The following RUBCN variants were observed in gnomAD, a reference collection of about 807,000 sequenced individuals.
The protein encoded by RUBCN is run domain Beclin-1-interacting and cysteine-rich domain-containing protein.
RUBCN carries 74 observed loss-of-function variants against 113.2 expected under a neutral mutation model. The observed-to-expected ratio is 0.65, with a 90% confidence interval of 0.54 to 0.79. RUBCN has a LOEUF of 0.79. Among genes scored for constraint, RUBCN ranks in the 30% least tolerant of loss-of-function variants. The pLI is 0.00. For missense variants in RUBCN, 1,109 were observed against 1,251.7 expected (o/e 0.89, Z 1.72); for synonymous variants, 480 against 490.0 (o/e 0.98, Z 0.27).
At chr3:197,724,328 T>A (rs1726496786) in intron 1 of RUBCN, among the ~76,000 whole-genome samples, 1 of 152,188 alleles carries the variant, frequency 6.6e-6, no homozygotes, top group Non-Finnish European at 1.5e-5. Context: ...AGTATTACAC[T>A]ATATAACTAA....
chr3:197,711,842 G>GAT (rs1358612754), intron 2 of RUBCN, among the ~76,000 whole-genome samples: 1 of 151,962 alleles, frequency 6.6e-6, no homozygotes, highest in Non-Finnish European at 1.5e-5. Context: ...GTTATAGAGT[G>GAT]ATATATATAG....
rs746550615 is a variant in RUBCN, at chr3:197,697,062, A to T, written c.1262-13T>A. ...TCATTGCAGGATTCTAATGACGATG[A>T]CCACCAGCGAGTAAAAACACATACG... On this transcript the variant is annotated splice_polypyrimidine_tract_variant and intron_variant, in intron 7 of 19. Transcript: ENST00000296343. 3.0e-5 allele frequency: 41 copies of T among 1,377,916 alleles called. 1 individual carries two copies. In the Admixed American group the frequency reaches 6.5e-4, roughly 22 times the overall value. 85.4% of individuals were successfully genotyped at this position (1,377,916 alleles called of 1,614,324 possible).
At position 197,678,737 on chromosome 3, in the gene RUBCN, C is replaced by T. The variant is rs568024787; in HGVS notation, c.2431-1196G>A. The stretch of plus-strand genomic sequence containing the variant: ...TGACAACTGGCTTCAGACTGTCCTA[C>T]GCTCTAACTGACAACTGGCTCCAGA... On this transcript the variant is annotated intron_variant, in intron 16 of 19. Transcript: ENST00000296343. Among the ~76,000 whole-genome samples the T allele has an allele frequency of 1.7e-4, 25 of 148,552 alleles. No individual in the cohort carries two copies. In the East Asian group the frequency reaches 2.9e-3, roughly 17 times the overall value.
At chr3:197,720,413 A>T (rs978312204) in intron 1 of RUBCN, among the ~76,000 whole-genome samples, 5 of 145,894 alleles carry the variant, frequency 3.4e-5, no homozygotes, top group Non-Finnish European at 7.6e-5. Context: ...GTTGACGGAC[A>T]TTTTTTTTTT....
Position 197,674,486 on chromosome 3 carries a change from C to G in RUBCN, c.*532G>C, listed in dbSNP as rs372356796. ...CCCCCAAAATACCCAAATAAGTGGA[C>G]GAAATGCCCATGACGTAGTCCTATT... On this transcript the variant is annotated 3_prime_UTR_variant, in exon 20 of 20. Coordinates refer to ENST00000296343, the MANE Select transcript of RUBCN (RefSeq NM_014687.4). 60 of 471,902 alleles carry G rather than the reference C, an allele frequency of 1.3e-4. No homozygotes were observed. In the Admixed American group the frequency reaches 1.3e-3, roughly 10 times the overall value. 29.2% of individuals were successfully genotyped at this position (471,902 alleles called of 1,614,324 possible).
chr3:197,700,548 A>T, intron 7 of RUBCN, 65 bp downstream of exon 7: 1 of 1,538,336 alleles, frequency 6.5e-7, no homozygotes, highest in Non-Finnish European at 9.0e-7. Flanking sequence ...AGTCCCCATA[A>T]CAAGCCCTCT....
In RUBCN at chr3:197,673,008, C is replaced by G. The variant is rs1461422386; in HGVS notation, c.*2010G>C. The G allele has an allele frequency of 6.6e-6, 1 of 152,290 alleles. No individual in the cohort carries two copies. Among genetic ancestry groups the G allele is most frequent in the Non-Finnish European group, 1.5e-5 (1 of 68,128 alleles). The allele number at this position is 152,290 out of a possible 1,614,324, so 9.4% of individuals were successfully genotyped here. A position where few individuals can be genotyped will look rare whatever the true frequency, so the allele number is the denominator to read the frequency against. On this transcript the variant is annotated 3_prime_UTR_variant, in exon 20 of 20. Transcript: ENST00000296343. ...GCCTGGCCTGGATGTGTAATTTAAA[C>G]CAAAACTGGAAGTAGAGCTCATTTT...
chr3:197,705,743 T>C (rs553269480), intron 2 of RUBCN, among the ~76,000 whole-genome samples: 1 of 152,298 alleles, frequency 6.6e-6, no homozygotes, highest in East Asian at 1.9e-4. Context: ...CTTTTTCTTT[T>C]TGTTTGAGAC....
intron 11 of RUBCN, among the ~76,000 whole-genome samples, chr3:197,691,911 G>C (rs993665706): frequency 7.9e-5 from 12 of 151,898 alleles, no homozygotes; most frequent in African/African-American, 2.7e-4. Flanking sequence ...TCCAGTTCCT[G>C]GTGAGAATTC....
chr3:197,683,307 C>A lies in RUBCN; in HGVS notation c.1980G>T (p.Lys660Asn). Residue 660 changes from lysine to asparagine, a missense_variant and splice_region_variant, in exon 13 of 20, where the codon AAG (lysine) becomes AAT (asparagine). Physicochemically the swap from Lys to Asn is moderately conservative, Grantham distance 94. Transcript: ENST00000296343. This position sits in a 1 kb window ranked among gnomAD's most constrained non-coding sequence, Gnocchi z 4.6. ...GTAGGAAGAAGAGCTAAGGACCTAC[C>A]TTCTGAGGGGCATCATGCTCCGGGA... ...WLVPEHDAPQ[K>N]LLPIPDSLPI... 1 of 1,614,192 alleles carries A rather than the reference C, an allele frequency of 6.2e-7. No individual in the cohort carries two copies. Among genetic ancestry groups the A allele is most frequent in the Non-Finnish European group, 8.5e-7 (1 of 1,180,044 alleles).
intron 1 of RUBCN, among the ~76,000 whole-genome samples, chr3:197,742,683 C>T (rs527594218): frequency 1.0e-3 from 159 of 152,190 alleles, no homozygotes; most frequent in Non-Finnish European, 2.0e-3. Flanking sequence ...TAGTCTCCCC[C>T]AGCCTGGGCT....
rs576698414 is a variant in RUBCN, at chr3:197,674,689, G to A, written c.*329C>T. The A allele has an allele frequency of 4.6e-6, 2 of 430,842 alleles. No individual in the cohort carries two copies. Among genetic ancestry groups the A allele is most frequent in the South Asian group, 2.4e-5 (1 of 41,416 alleles). The allele number at this position is 430,842 out of a possible 1,614,324, so 26.7% of individuals were successfully genotyped here. A position where few individuals can be genotyped will look rare whatever the true frequency, so the allele number is the denominator to read the frequency against. On this transcript the variant is annotated 3_prime_UTR_variant, in exon 20 of 20. Transcript: ENST00000296343. ...TGACATGCAGGTGAAACCTAGAGGA[G>A]AAGGCCACAGACGCTGGAAGAACTT...
chr3:197,681,101 T>C lies in RUBCN; in HGVS notation c.2430+28A>G, dbSNP rs575583485. 2.7e-6 allele frequency: 4 copies of C among 1,482,784 alleles called. No individual in the cohort carries two copies. Among genetic ancestry groups the C allele is most frequent in the Non-Finnish European group, 3.8e-6 (4 of 1,062,648 alleles). The allele number at this position is 1,482,784 out of a possible 1,614,324, so 91.9% of individuals were successfully genotyped here. ...GATGAGGGGAGGAGAAGGGCAAGAC[T>C]CTAAGGTGGCCTTTTCCAAGGTCTT... On this transcript the variant is annotated intron_variant, in intron 16 of 19. Transcript: ENST00000296343. The surrounding 1 kb of genome is among the most constrained non-coding windows in gnomAD (Gnocchi z 5.5).
intron 2 of RUBCN, among the ~76,000 whole-genome samples, chr3:197,717,443 C>CA (rs375835905): frequency 0.11 from 13,857 of 124,106 alleles, 796 homozygotes; most frequent in Middle Eastern, 0.18. Context: ...GACTCCGTCT[C>CA]AAAAAAAAAA....
intron 1 of RUBCN, among the ~76,000 whole-genome samples, chr3:197,743,497 GA>G (rs1728610758): frequency 6.6e-6 from 1 of 152,148 alleles, no homozygotes; most frequent in Admixed American, 6.5e-5. Flanking sequence ...ACTAGAACAG[GA>G]AAAGTTTACA....
Position 197,681,705 on chromosome 3 carries a change from C to A in RUBCN, c.2191+130G>T, listed in dbSNP as rs1721259964. On this transcript the variant is annotated intron_variant, in intron 15 of 19. Transcript: ENST00000296343. The surrounding 1 kb of genome is among the most constrained non-coding windows in gnomAD (Gnocchi z 5.5). ...TGCCAGCACTCTTGCCTACTACGAA[C>A]CTTTCTTTCTCCTTCCCTACTTCTG... The A allele has an allele frequency of 1.2e-6, 1 of 810,820 alleles. No homozygotes were observed. The highest frequency in any genetic ancestry group is 2.1e-6 in the Non-Finnish European group (1 of 466,898). 50.2% of individuals were successfully genotyped at this position (810,820 alleles called of 1,614,324 possible). A position where few individuals can be genotyped will look rare whatever the true frequency, so the allele number is the denominator to read the frequency against.
At chr3:197,690,255 T>A (rs528007776) in intron 11 of RUBCN, among the ~76,000 whole-genome samples, 30 of 152,230 alleles carry the variant, frequency 2.0e-4, no homozygotes, top group Non-Finnish European at 4.0e-4. Flanking sequence ...CTGGCCAACA[T>A]GGTGAAACCC....
intron 1 of RUBCN, among the ~76,000 whole-genome samples, chr3:197,719,476 CAAAAAAAAAAAAAA>C (rs369029082): frequency 1.8e-5 from 1 of 54,264 alleles, no homozygotes; most frequent in Non-Finnish European, 3.7e-5. Flanking sequence ...GAGATTGTCT[CAAAAAAAAAAAAAA>C]AAAAAAAAGA....
At chr3:197,712,583 G>C (rs557981526) in intron 2 of RUBCN, among the ~76,000 whole-genome samples, 20 of 152,276 alleles carry the variant, frequency 1.3e-4, no homozygotes, top group African/African-American at 4.1e-4. Context: ...AGGCAGAACA[G>C]AGCAGCAAGG....
Sources: gnomAD v4.1 joint callset for allele counts (sites outside exome capture counted in the v4.1 genomes callset) on GRCh38, gnomAD v4.1.1 for gene constraint, Gnocchi (gnomAD v3.1) non-coding constraint, MANE v1.5 for transcripts, NCBI Gene and HGNC (gene_info 2026-07-23, HGNC 2026-07-21) for gene names.